GRID2: variants seen among roughly 807,000 people sequenced by gnomAD.
GRID2 encodes glutamate receptor ionotropic, delta-2.
A neutral mutation model predicts 114.8 loss-of-function variants in GRID2; 33 were observed. The ratio of observed to expected loss-of-function variants is 0.29; its 90% CI spans 0.22 to 0.38. The LOEUF (loss-of-function observed/expected upper bound fraction) is 0.38. GRID2 is among the 10% of genes least tolerant of loss of function. GRID2 has a pLI of 1.00. For missense variants in GRID2, 1,184 were observed against 1,257.7 expected, an observed-to-expected ratio of 0.94 and a Z score of 0.89; for synonymous variants, 505 against 449.9, an observed-to-expected ratio of 1.12 and a Z score of -1.55.
intron 2 of GRID2, among the ~76,000 whole-genome samples, chr4:93,000,401 C>G (rs1009825177): frequency 1.3e-5 from 2 of 151,512 alleles, no homozygotes; most frequent in Non-Finnish European, 3.0e-5. Flanking sequence ...GATGAAGTTT[C>G]TGATATACCT....
At chr4:92,490,300 ATAGAGT>A (rs1282396158) in intron 1 of GRID2, among the ~76,000 whole-genome samples, 10 of 152,296 alleles carry the variant, frequency 6.6e-5, no homozygotes, top group African/African-American at 1.7e-4. Flanking sequence ...GAACACAGAA[ATAGAGT>A]TAGAAGAAAA....
intron 2 of GRID2, among the ~76,000 whole-genome samples, chr4:92,829,547 G>T (rs1376061084): frequency 6.6e-6 from 1 of 152,072 alleles, no homozygotes; most frequent in Non-Finnish European, 1.5e-5. Context: ...CAAGGATCTA[G>T]AACCAAATAC....
intron 2 of GRID2, among the ~76,000 whole-genome samples, chr4:92,806,060 C>T (rs1255543936): frequency 6.6e-6 from 1 of 151,546 alleles, no homozygotes; most frequent in African/African-American, 2.4e-5. Context: ...AACAATATTT[C>T]TCTCAAACAT....
chr4:92,666,254 T>C (rs984022318), intron 2 of GRID2, among the ~76,000 whole-genome samples: 5 of 151,610 alleles, frequency 3.3e-5, no homozygotes, highest in African/African-American at 1.2e-4. Context: ...ACCTTCCTTT[T>C]AGTTATTTTT....
intron 14 of GRID2, among the ~76,000 whole-genome samples, chr4:93,728,302 G>A (rs536277306): frequency 1.6e-4 from 24 of 152,246 alleles, no homozygotes; most frequent in African/African-American, 5.8e-4. Flanking sequence ...AATTTTGAGT[G>A]AGTTTCTTAA....
chr4:92,469,200 T>A (rs533831525), intron 1 of GRID2, among the ~76,000 whole-genome samples: 1 of 152,282 alleles, frequency 6.6e-6, no homozygotes, highest in African/African-American at 2.4e-5. Flanking sequence ...TTTGGAATTA[T>A]TTTTTTCTTC....
intron 2 of GRID2, among the ~76,000 whole-genome samples, chr4:92,637,548 G>A (rs1444614285): frequency 6.6e-6 from 1 of 152,004 alleles, no homozygotes; most frequent in African/African-American, 2.4e-5. Context: ...TGAGATATAA[G>A]TTTAAAGGAA....
chr4:93,532,747 G>T (rs1560721630), intron 13 of GRID2, among the ~76,000 whole-genome samples: 1 of 152,030 alleles, frequency 6.6e-6, no homozygotes, highest in Non-Finnish European at 1.5e-5. Flanking sequence ...TGCAAATTTG[G>T]ACAAATTTCC....
In GRID2 at chr4:92,935,954, G is replaced by T. The variant is rs192471965; in HGVS notation, c.245-149041G>T. Among the ~76,000 whole-genome samples the T allele has an allele frequency of 1.4e-3, 199 of 145,710 alleles. 22 individuals carry two copies. In the East Asian group the frequency reaches 0.023, roughly 17 times the overall value. Reference sequence around the variant, plus strand: ...AATGCTAAATGAGGAGTTAATGGGTGCAGCACACCAGCATGGCACGTGTAT... The same window carrying T: ...AATGCTAAATGAGGAGTTAATGGGTTCAGCACACCAGCATGGCACGTGTAT... On this transcript the variant is annotated intron_variant, in intron 2 of 15. Coordinates refer to ENST00000282020, the MANE Select transcript of GRID2 (RefSeq NM_001510.4).
chr4:92,817,648 C>T (rs987766338), intron 2 of GRID2, among the ~76,000 whole-genome samples: 11 of 151,032 alleles, frequency 7.3e-5, no homozygotes, highest in Non-Finnish European at 1.5e-4. Flanking sequence ...TGATTTGTAT[C>T]AAAACTACTG....
At chr4:92,945,868 T>G (rs1751587573) in intron 2 of GRID2, among the ~76,000 whole-genome samples, 1 of 152,120 alleles carries the variant, frequency 6.6e-6, no homozygotes, top group Admixed American at 6.6e-5. Context: ...AAGTGTATTT[T>G]AGGAAAGATC....
At chr4:92,650,510 A>G (rs1249479810) in intron 2 of GRID2, among the ~76,000 whole-genome samples, 1 of 152,074 alleles carries the variant, frequency 6.6e-6, no homozygotes, top group Non-Finnish European at 1.5e-5. Flanking sequence ...TATTAGTCCA[A>G]TTTCCCTTTG....
chr4:92,310,119 T>C (rs1725620403), intron 1 of GRID2, among the ~76,000 whole-genome samples: 1 of 152,042 alleles, frequency 6.6e-6, no homozygotes, highest in Non-Finnish European at 1.5e-5. Flanking sequence ...ATTGTATCGA[T>C]TCCTTGCATA....
At chr4:93,674,351 T>G (rs1724673736) in intron 14 of GRID2, among the ~76,000 whole-genome samples, 1 of 152,156 alleles carries the variant, frequency 6.6e-6, no homozygotes, top group Admixed American at 6.5e-5. Flanking sequence ...CATGTTTGAG[T>G]GCTGTATTTT....
chr4:92,774,221 A>G (rs1738677747), intron 2 of GRID2, among the ~76,000 whole-genome samples: 2 of 152,268 alleles, frequency 1.3e-5, no homozygotes, highest in Non-Finnish European at 2.9e-5. Context: ...AAGTAGGGAC[A>G]GGGGTGAGGC....
At chr4:92,445,069 A>G (rs1399723862) in intron 1 of GRID2, among the ~76,000 whole-genome samples, 2 of 152,180 alleles carry the variant, frequency 1.3e-5, no homozygotes, top group East Asian at 1.9e-4. Flanking sequence ...CTCATCATCT[A>G]GTAAAAATAT....
chr4:93,134,946 C>T (rs1343841795), intron 4 of GRID2, among the ~76,000 whole-genome samples: 1 of 152,030 alleles, frequency 6.6e-6, no homozygotes, highest in East Asian at 1.9e-4. Flanking sequence ...TCACCGTGCT[C>T]TCTCTGAAAA....
At chr4:93,114,606 T>A (rs995294888) in intron 4 of GRID2, among the ~76,000 whole-genome samples, 2 of 152,160 alleles carry the variant, frequency 1.3e-5, no homozygotes, top group Non-Finnish European at 2.9e-5. Flanking sequence ...TATCCTAGCC[T>A]AAGCTCACCC....
chr4:92,493,102 C>T (rs141260219), intron 1 of GRID2, among the ~76,000 whole-genome samples: 174 of 132,196 alleles, frequency 1.3e-3, no homozygotes, highest in African/African-American at 4.1e-3. Flanking sequence ...GCACTCCAGC[C>T]GGGGGACAGA....
Sources: allele counts gnomAD v4.1 joint callset (sites outside exome capture counted in the v4.1 genomes callset), GRCh38; gene constraint gnomAD v4.1.1; transcripts MANE v1.5; gene names NCBI Gene and HGNC (gene_info 2026-07-23, HGNC 2026-07-21).